RPUSD3: variants seen among roughly 807,000 people sequenced by gnomAD.
RPUSD3 encodes mitochondrial mRNA pseudouridine synthase RPUSD3.
RPUSD3 carries 36 observed loss-of-function variants against 35.1 expected under a neutral mutation model. The observed-to-expected ratio is 1.02, with a 90% CI of 0.79 to 1.35. The LOEUF (loss-of-function observed/expected upper bound fraction) is 1.35, where lower values mean the gene tolerates loss of function less well. Ranked by LOEUF, RPUSD3 falls within the 40% of genes most tolerant of loss-of-function variation. The pLI, the probability that RPUSD3 is intolerant of heterozygous loss-of-function variation, is 0.00. For synonymous variants in RPUSD3, 202 were observed against 187.8 expected, an observed-to-expected ratio of 1.08 and a Z score of -0.62; for missense variants, 486 against 441.9, an observed-to-expected ratio of 1.10 and a Z score of -0.89.
chr3:9,842,352 TGACTCTCA>T, intron 2 of RPUSD3, 109 bp from the exon 3 acceptor site: 1 of 1,078,170 alleles, frequency 9.3e-7, no homozygotes, highest in Non-Finnish European at 1.4e-6. Context: ...GTCCCCATCA[TGACTCTCA>T]GACATGAGTT....
chr3:9,840,128 C>T (rs568678773), intron 7 of RPUSD3, 56 bp downstream of exon 7: 32 of 1,583,246 alleles, frequency 2.0e-5, no homozygotes, highest in Middle Eastern at 2.3e-4. Context: ...GATCCACCTG[C>T]CTCAGCCTCC....
chr3:9,842,862 G>C (rs1336886901), intron 2 of RPUSD3: 6 of 154,260 alleles, frequency 3.9e-5, no homozygotes, highest in African/African-American at 1.2e-4. Flanking sequence ...TCCAAAGCCT[G>C]TGTTTTGTCC....
chr3:9,840,485 G>A (rs1328800860), intron 6 of RPUSD3, 47 bp downstream of exon 6: 15 of 1,600,508 alleles, frequency 9.4e-6, no homozygotes, highest in Non-Finnish European at 1.3e-5. Context: ...TCTCTGTAGG[G>A]GTACTATATC....
rs774794861 is a variant in RPUSD3, at chr3:9,842,197, A to T, written c.307+2T>A. Reference sequence around the variant, plus strand: ...TTCCCTTCCCACATCCCCGGCCCATACCTGTCACTGGTAGACCCTGTGGCT... The same window carrying T: ...TTCCCTTCCCACATCCCCGGCCCATTCCTGTCACTGGTAGACCCTGTGGCT... On this transcript the variant is annotated splice_donor_variant, in intron 3 of 8. Coordinates refer to ENST00000383820, the Ensembl canonical transcript of RPUSD3. LOFTEE classifies it high-confidence loss of function. The T allele has an allele frequency of 1.9e-6, 3 of 1,613,952 alleles. No homozygotes were observed. The highest frequency in any genetic ancestry group is 2.5e-6 in the Non-Finnish European group (3 of 1,179,964).
intron 8 of RPUSD3, 146 bp downstream of exon 8, chr3:9,838,886 C>T: frequency 9.7e-7 from 1 of 1,029,266 alleles, no homozygotes; most frequent in East Asian, 2.6e-5. Context: ...GGCCACACAC[C>T]AAGATGTGGG....
chr3:9,842,027 T>C, exon 4 of RPUSD3: 1 of 1,613,938 alleles, frequency 6.2e-7, no homozygotes. Flanking sequence ...CCCTGAGCCC[T>C]AGGGACTGGC....
chr3:9,839,291 G>C, intron 7 of RPUSD3, 120 bp from the exon 8 acceptor site: 1 of 1,169,096 alleles, frequency 8.6e-7, no homozygotes. Flanking sequence ...ATATGTTTCA[G>C]TGAGGTCAGT....
chr3:9,842,453 T>C (rs2082118074), intron 2 of RPUSD3: 1 of 608,858 alleles, frequency 1.6e-6, no homozygotes, highest in African/African-American at 1.8e-5. Context: ...GTCCCCAAAT[T>C]TCCCAGGTCT....
Position 9,840,504 on chromosome 3 carries a change from C to T in RPUSD3, c.600+28G>A, listed in dbSNP as rs756425167. ...TGTAGGGGTACTATATCTAGAAGCA[C>T]CCCTCCTCTTCCCAGACCCGGACTC... On this transcript the variant is annotated intron_variant, in intron 6 of 8. Transcript: ENST00000383820. The T allele has an allele frequency of 1.4e-5, 23 of 1,610,826 alleles. No individual in the cohort carries two copies. In the African/African-American group the frequency reaches 2.5e-4, roughly 18 times the overall value.
In RPUSD3 at chr3:9,840,325, A is replaced by G; in HGVS notation, c.601-18T>C. 2 of 1,614,152 alleles carry G rather than the reference A, an allele frequency of 1.2e-6. No homozygotes were observed. Among genetic ancestry groups the G allele is most frequent in the Non-Finnish European group, 8.5e-7 (1 of 1,180,032 alleles). On this transcript the variant is annotated intron_variant, in intron 6 of 8. Coordinates refer to ENST00000383820, the Ensembl canonical transcript of RPUSD3. ...GGAACTGTCTGTGGTGCCAGCCAAG[A>G]GTGAACAAGCCTTACACAGGTCTGG...
intron 7 of RPUSD3, 71 bp downstream of exon 7, chr3:9,840,113 C>G (rs781042278): frequency 1.3e-6 from 2 of 1,564,422 alleles, no homozygotes; most frequent in Non-Finnish European, 1.7e-6. Flanking sequence ...AACTCCTGAC[C>G]TCGTGATCCA....
intron 6 of RPUSD3, 44 bp downstream of exon 6, chr3:9,840,488 A>G: frequency 6.3e-7 from 1 of 1,586,124 alleles, no homozygotes; most frequent in Non-Finnish European, 8.7e-7. Flanking sequence ...CTGTAGGGGT[A>G]CTATATCTAG....
At chr3:9,843,725 C>A in intron 1 of RPUSD3, 124 bp from the exon 2 acceptor site, 1 of 1,544,938 alleles carries the variant, frequency 6.5e-7, no homozygotes, top group South Asian at 1.2e-5. Context: ...CTGGGCTGAC[C>A]TCGAAAATTC....
At chr3:9,842,611 A>C in intron 2 of RPUSD3, 1 of 289,414 alleles carries the variant, frequency 3.5e-6, no homozygotes, top group Non-Finnish European at 6.7e-6. Context: ...TTGTTCATTT[A>C]TTTTCTGACA....
intron 2 of RPUSD3, 105 bp downstream of exon 2, chr3:9,843,360 G>A: frequency 6.6e-7 from 1 of 1,511,532 alleles, no homozygotes; most frequent in South Asian, 1.2e-5. Context: ...TGCTGCTAGT[G>A]GGAGGCAGAA....
rs200044769 is a variant in RPUSD3, at chr3:9,838,214, C to T, written c.865-7G>A. On this transcript the variant is annotated splice_polypyrimidine_tract_variant and splice_region_variant and intron_variant, in intron 8 of 8. Transcript: ENST00000383820. Reference sequence around the variant, plus strand: ...GGAGGGCTTCATCCAGGACCTGGAGCGGGAGAGGTACGTTGTGTTCAGCCC... The same window carrying T: ...GGAGGGCTTCATCCAGGACCTGGAGTGGGAGAGGTACGTTGTGTTCAGCCC... 4.5e-5 allele frequency: 72 copies of T among 1,611,530 alleles called. No individual in the cohort carries two copies. The highest frequency in any genetic ancestry group is 2.2e-4 in the Middle Eastern group (1 of 4,452).
rs190136144 is a variant in RPUSD3, at chr3:9,840,531, C to A, written c.600+1G>T. 2 of 1,613,998 alleles carry A rather than the reference C, an allele frequency of 1.2e-6. No homozygotes were observed. The highest frequency in any genetic ancestry group is 1.1e-5 in the South Asian group (1 of 91,074). On this transcript the variant is annotated splice_donor_variant, in intron 6 of 8. Transcript: ENST00000383820. LOFTEE classifies it high-confidence loss of function. Reference sequence around the variant, plus strand: ...CCTCCTCTTCCCAGACCCGGACTCACGAGATTGACCCCATCAATGTGTTCC... The same window carrying A: ...CCTCCTCTTCCCAGACCCGGACTCAAGAGATTGACCCCATCAATGTGTTCC...
exon 2 of RPUSD3, chr3:9,843,548 T>G (rs2082134550): frequency 1.2e-6 from 2 of 1,613,870 alleles, no homozygotes; most frequent in Non-Finnish European, 1.7e-6. Flanking sequence ...CGCGAAGGGC[T>G]GGTCCCCGAG....
Position 9,840,820 on chromosome 3 carries a change from C to A in RPUSD3, c.408-15G>T. On this transcript the variant is annotated splice_polypyrimidine_tract_variant and intron_variant, in intron 4 of 8. Coordinates refer to ENST00000383820, the Ensembl canonical transcript of RPUSD3. ...CAGAGCTTTCTCTGGAATAAGCAGACAAATCACACAAGTTAAAGTCCCTTG... is the reference window on the plus strand; with the variant it reads ...CAGAGCTTTCTCTGGAATAAGCAGAAAAATCACACAAGTTAAAGTCCCTTG... 6.2e-7 allele frequency: 1 copy of A among 1,600,044 alleles called. No homozygotes were observed. Among genetic ancestry groups the A allele is most frequent in the Non-Finnish European group, 8.5e-7 (1 of 1,170,224 alleles).
Sources: gnomAD v4.1 joint callset for allele counts on GRCh38, gnomAD v4.1.1 for gene constraint, MANE v1.5 for transcripts, NCBI Gene and HGNC (gene_info 2026-07-23, HGNC 2026-07-21) for gene names.